The following EPHX2 variants were observed in gnomAD, a reference collection of about 807,000 sequenced individuals.
EPHX2 encodes epoxide hydrolase 2.
A neutral mutation model predicts 78.7 loss-of-function variants in EPHX2; 74 were observed. That is an observed-to-expected ratio of 0.94 (90% CI 0.78 to 1.14). The LOEUF is 1.14. Among genes scored for constraint, EPHX2 ranks in the 50% most tolerant of loss-of-function variants. EPHX2 has a pLI of 0.00. For synonymous variants in EPHX2, 251 were observed against 255.2 expected (o/e 0.98, Z 0.16); for missense variants, 715 against 702.5 (o/e 1.02, Z -0.20).
intron 12 of EPHX2, among the ~76,000 whole-genome samples, chr8:27,525,890 G>A (rs184414084): frequency 8.8e-4 from 134 of 152,252 alleles, no homozygotes; most frequent in Admixed American, 1.0e-3. Context: ...ATCAGTACAC[G>A]TGCCACAAAG....
At chr8:27,509,375 G>A (rs899115987) in intron 5 of EPHX2, among the ~76,000 whole-genome samples, 1 of 152,124 alleles carries the variant, frequency 6.6e-6, no homozygotes, top group South Asian at 2.1e-4. Flanking sequence ...TGTTTTCAAT[G>A]CTTCTGTGTG....
intron 14 of EPHX2, among the ~76,000 whole-genome samples, chr8:27,539,842 C>T (rs955223436): frequency 1.3e-5 from 2 of 152,196 alleles, no homozygotes; most frequent in Non-Finnish European, 2.9e-5. Context: ...TTTGATGTGT[C>T]TCACAAAAGC....
intron 1 of EPHX2, among the ~76,000 whole-genome samples, chr8:27,492,459 C>T (rs1813413444): frequency 6.6e-6 from 1 of 152,142 alleles, no homozygotes; most frequent in African/African-American, 2.4e-5. Flanking sequence ...TAGTTGTGTC[C>T]AGAGTTGGTT....
rs180847318 is a variant in EPHX2, at chr8:27,500,309, C to A, written c.102-617C>A. On this transcript the variant is annotated intron_variant, in intron 1 of 18. Coordinates refer to ENST00000521400, the MANE Select transcript of EPHX2 (RefSeq NM_001979.6). ...ACACGTGCCTTGCTTCCCCTTCACC[C>A]TCCGCCATGATTGTGAGTTCCCTGA... 1.6e-4 allele frequency among the ~76,000 whole-genome samples: 24 copies of A among 152,252 alleles called. No homozygotes were observed. In the East Asian group the frequency reaches 4.6e-3, roughly 29 times the overall value.
At chr8:27,501,865 T>G (rs976035568) in intron 2 of EPHX2, among the ~76,000 whole-genome samples, 8 of 152,100 alleles carry the variant, frequency 5.3e-5, no homozygotes, top group African/African-American at 1.9e-4. Context: ...CCTGGAAAAC[T>G]AAATTATATC....
intron 5 of EPHX2, among the ~76,000 whole-genome samples, chr8:27,511,028 G>A (rs1220264417): frequency 6.6e-6 from 1 of 152,160 alleles, no homozygotes; most frequent in African/African-American, 2.4e-5. Flanking sequence ...ACCATGTGAA[G>A]ACACTAGGAG....
chr8:27,518,005 A>G, intron 8 of EPHX2, 33 bp from the exon 9 acceptor site: 1 of 1,536,650 alleles, frequency 6.5e-7, no homozygotes, highest in Non-Finnish European at 8.9e-7. Flanking sequence ...AAGTAACGTG[A>G]ATTAAATATG....
At chr8:27,516,072 A>G (rs1425867470) in intron 7 of EPHX2, among the ~76,000 whole-genome samples, 1 of 152,240 alleles carries the variant, frequency 6.6e-6, no homozygotes, top group Non-Finnish European at 1.5e-5. Flanking sequence ...TAATGAGTAT[A>G]GAAAGCTGCA....
chr8:27,531,028 G>T (rs919956907), intron 12 of EPHX2, among the ~76,000 whole-genome samples: 1 of 152,116 alleles, frequency 6.6e-6, no homozygotes, highest in Non-Finnish European at 1.5e-5. Context: ...CTCCCAAAGC[G>T]CTGGGATTAC....
chr8:27,518,734 T>C (rs1366721777), intron 9 of EPHX2, among the ~76,000 whole-genome samples: 4 of 152,216 alleles, frequency 2.6e-5, no homozygotes, highest in African/African-American at 7.2e-5. Flanking sequence ...CTTCTCCCCC[T>C]CATGTGTGCC....
In EPHX2 at chr8:27,543,618, G is replaced by C. The variant is rs1480928306; in HGVS notation, c.1450-131G>C. 15 of 813,236 alleles carry C rather than the reference G, an allele frequency of 1.8e-5. No individual in the cohort carries two copies. In the East Asian group the frequency reaches 3.3e-4, roughly 18 times the overall value. The allele number at this position is 813,236 out of a possible 1,614,324, so 50.4% of individuals were successfully genotyped here. A position where few individuals can be genotyped will look rare whatever the true frequency, so the allele number is the denominator to read the frequency against. ...TAAAGATCTCCAGTAATAACCACGAGTCTGTTGTGCAAAGTTCGGCAGATA... is the reference window on the plus strand; with the variant it reads ...TAAAGATCTCCAGTAATAACCACGACTCTGTTGTGCAAAGTTCGGCAGATA... On this transcript the variant is annotated intron_variant, in intron 16 of 18. Coordinates refer to ENST00000521400, the MANE Select transcript of EPHX2 (RefSeq NM_001979.6).
At chr8:27,541,279 A>G (rs1298729911) in intron 15 of EPHX2, among the ~76,000 whole-genome samples, 194 bp from the exon 16 acceptor site, 1 of 152,218 alleles carries the variant, frequency 6.6e-6, no homozygotes, top group East Asian at 1.9e-4. Flanking sequence ...GTGTCCTTGC[A>G]CAAGGCCTTG....
intron 1 of EPHX2, among the ~76,000 whole-genome samples, chr8:27,494,524 A>G (rs1488309636): frequency 6.6e-6 from 1 of 152,170 alleles, no homozygotes; most frequent in Non-Finnish European, 1.5e-5. Context: ...GCTTCATCCA[A>G]TTTGCAAAGG....
In EPHX2 at chr8:27,540,563, T is replaced by C. The variant is rs369819456; in HGVS notation, c.1286T>C (p.Phe429Ser). ...GTGGCTTTTTTTGCAGGAGGACTTT[T>C]TGTAAATAGCCCAGAAGAGCCCAGC... ...MHKVCEAGGL[F>S]VNSPEEPSLS... is the part of the protein sequence containing the mutation. The change falls in exon 15 of 19, where the codon TTT becomes TCT. Residue 429 changes from phenylalanine (F) to serine (S), a missense_variant. Transcript: ENST00000521400. 3.7e-6 allele frequency: 6 copies of C among 1,613,966 alleles called. No individual in the cohort carries two copies. Among genetic ancestry groups the C allele is most frequent in the Non-Finnish European group, 3.4e-6 (4 of 1,179,982 alleles).
chr8:27,493,991 G>C (rs1284801325), intron 1 of EPHX2, among the ~76,000 whole-genome samples: 1 of 152,170 alleles, frequency 6.6e-6, no homozygotes, highest in Non-Finnish European at 1.5e-5. Context: ...CTAGTGGTGG[G>C]GGCGCTGCTG....
intron 3 of EPHX2, 64 bp from the exon 4 acceptor site, chr8:27,504,892 G>C (rs1351006833): frequency 3.2e-6 from 5 of 1,557,682 alleles, no homozygotes; most frequent in Non-Finnish European, 4.4e-6. Context: ...TCCCTTGGGG[G>C]TATCTGGAGC....
chr8:27,505,135 A>C lies in EPHX2; in HGVS notation c.526A>C (p.Ser176Arg), dbSNP rs747665800. ...YKFLLDTLKA[S>R]PSEVVFLDDI... ...GTTTCTGCTGGACACCCTGAAGGCCAGCCCCAGTGAGGTACGGAGACACTT... is the reference window on the plus strand; with the variant it reads ...GTTTCTGCTGGACACCCTGAAGGCCCGCCCCAGTGAGGTACGGAGACACTT... The change falls in exon 4 of 19, where the codon AGC becomes CGC. Residue 176 changes from serine to arginine, a missense_variant. Transcript: ENST00000521400. The C allele has an allele frequency of 6.2e-7, 1 of 1,613,942 alleles. No individual in the cohort carries two copies.
chr8:27,502,665 G>A (rs1174249892), intron 2 of EPHX2, among the ~76,000 whole-genome samples: 1 of 151,786 alleles, frequency 6.6e-6, no homozygotes. Context: ...AGAGAGACAG[G>A]GGAAAAAAAG....
chr8:27,498,759 C>G (rs1027047243), intron 1 of EPHX2, among the ~76,000 whole-genome samples: 2 of 152,028 alleles, frequency 1.3e-5, no homozygotes, highest in Non-Finnish European at 2.9e-5. Flanking sequence ...TGAAAGGGAC[C>G]AGGAGTCTTT....
Sources: allele counts gnomAD v4.1 joint callset (sites outside exome capture counted in the v4.1 genomes callset), GRCh38; gene constraint gnomAD v4.1.1; transcripts MANE v1.5; gene names NCBI Gene and HGNC (gene_info 2026-07-23, HGNC 2026-07-21).